SEC31A: variants seen among roughly 807,000 people sequenced by gnomAD.
SEC31A encodes protein transport protein Sec31A.
In SEC31A, 70 loss-of-function variants were observed where a neutral mutation model predicts 151.0. The ratio of observed to expected loss-of-function variants is 0.46; its 90% CI spans 0.38 to 0.57. SEC31A has a LOEUF of 0.57. Ranked by LOEUF, SEC31A falls within the 20% of genes least tolerant of loss-of-function variation. SEC31A has a pLI of 0.00. For synonymous variants in SEC31A, 475 were observed against 505.9 expected, an observed-to-expected ratio of 0.94 and a Z score of 0.82; for missense variants, 1,330 against 1,471.2, an observed-to-expected ratio of 0.90 and a Z score of 1.57.
chr4:82,858,057 C>T (rs549955666), intron 14 of SEC31A: 1 of 229,572 alleles, frequency 4.4e-6, no homozygotes, highest in South Asian at 5.7e-5. Context: ...GCAGGCAGAT[C>T]ACTCGAGGTC....
chr4:82,893,131 T>C (rs1351128729), upstream of SEC31A: 7 of 152,222 alleles, frequency 4.6e-5, no homozygotes. Flanking sequence ...GTGGTGGCAA[T>C]GATCACAGCG....
At chr4:82,845,169 T>A in intron 20 of SEC31A, 2 of 1,400,430 alleles carry the variant, frequency 1.4e-6, no homozygotes, top group South Asian at 2.5e-5. Context: ...GTGAGCAGAA[T>A]TCTGCTCAAA....
At chr4:82,885,278 C>A (rs1396850801) in intron 1 of SEC31A, among the ~76,000 whole-genome samples, 1 of 152,018 alleles carries the variant, frequency 6.6e-6, no homozygotes, top group Non-Finnish European at 1.5e-5. Context: ...CATGGTTGGT[C>A]TTAGTTTTAC....
chr4:82,857,630 G>A (rs79144522), intron 15 of SEC31A, 59 bp downstream of exon 15: 13 of 1,075,356 alleles, frequency 1.2e-5, no homozygotes, highest in Admixed American at 3.5e-5. Flanking sequence ...TTAAATGCAG[G>A]AACTATTTGT....
upstream of SEC31A, chr4:82,894,593 C>A (rs937090692): frequency 5.3e-5 from 8 of 152,228 alleles, no homozygotes; most frequent in Non-Finnish European, 7.3e-5. Flanking sequence ...TGTGGATGAT[C>A]TGCCACTGTG....
chr4:82,855,081 AAATT>A, intron 16 of SEC31A, 52 bp from the exon 17 acceptor site: 1 of 1,466,138 alleles, frequency 6.8e-7, no homozygotes, highest in Non-Finnish European at 9.1e-7. Flanking sequence ...ATAGCAATAA[AAATT>A]AATTCTGACT....
intron 22 of SEC31A, among the ~76,000 whole-genome samples, chr4:82,836,820 A>G (rs571671024): frequency 6.6e-6 from 1 of 152,268 alleles, no homozygotes; most frequent in East Asian, 1.9e-4. Context: ...GAACTGAATA[A>G]GATCTAGTTG....
chr4:82,867,110 C>CT lies in SEC31A; in HGVS notation c.1044+44dup, dbSNP rs760477724. 2.5e-6 allele frequency: 4 copies of CT among 1,573,278 alleles called. No individual in the cohort carries two copies. In the Admixed American group the frequency reaches 6.8e-5, roughly 27 times the overall value. On this transcript the variant is annotated intron_variant, in intron 9 of 26. Transcript: ENST00000395310. Reference sequence around the variant, plus strand: ...ATTTCAAAATATTACACAACACATACTTTTTTCAGGCATTATAATAGAAAA... The same window carrying CT: ...ATTTCAAAATATTACACAACACATACTTTTTTTCAGGCATTATAATAGAAAA...
At chr4:82,873,650 A>G (rs1737262407) in intron 6 of SEC31A, among the ~76,000 whole-genome samples, 2 of 152,118 alleles carry the variant, frequency 1.3e-5, no homozygotes, top group Admixed American at 1.3e-4. Flanking sequence ...TCTCCCAAAT[A>G]GTTTTTTGTT....
intron 14 of SEC31A, among the ~76,000 whole-genome samples, chr4:82,858,948 T>G (rs570980018): frequency 4.1e-4 from 63 of 151,866 alleles, no homozygotes; most frequent in Non-Finnish European, 8.2e-4. Flanking sequence ...TGATCCGCCC[T>G]CCTTGGCCTC....
At chr4:82,821,687 G>A (rs1025945565) in intron 25 of SEC31A, among the ~76,000 whole-genome samples, 3 of 151,974 alleles carry the variant, frequency 2.0e-5, no homozygotes, top group Admixed American at 2.0e-4. Context: ...AGTACTGATT[G>A]GATTTCATAT....
intron 20 of SEC31A, chr4:82,845,085 C>A: frequency 1.5e-6 from 1 of 649,720 alleles, no homozygotes; most frequent in Non-Finnish European, 2.6e-6. Context: ...ATGCAATGAG[C>A]AGGCAGATGG....
chr4:82,849,784 A>C (rs1731095049), intron 19 of SEC31A, among the ~76,000 whole-genome samples: 1 of 152,156 alleles, frequency 6.6e-6, no homozygotes, highest in African/African-American at 2.4e-5. Flanking sequence ...ACAGATCTAC[A>C]TGCATAGAGA....
At chr4:82,874,821 G>A in intron 5 of SEC31A, 70 bp from the exon 6 acceptor site, 1 of 1,533,668 alleles carries the variant, frequency 6.5e-7, no homozygotes, top group Non-Finnish European at 8.8e-7. Flanking sequence ...TGTAAAATTG[G>A]ATCCTTCATT....
At chr4:82,829,677 TA>T (rs1337169150) in intron 22 of SEC31A, among the ~76,000 whole-genome samples, 20 of 151,328 alleles carry the variant, frequency 1.3e-4, no homozygotes, top group Non-Finnish European at 2.7e-4. Context: ...TTTAATGCCG[TA>T]AAAAAAAATT....
chr4:82,844,721 A>G lies in SEC31A; in HGVS notation c.2503-212T>C, dbSNP rs187558233. Among the ~76,000 whole-genome samples the G allele has an allele frequency of 9.4e-3, 1,431 of 152,386 alleles. 15 individuals are homozygous for G. Among genetic ancestry groups the G allele is most frequent in the Middle Eastern group, 0.058 (17 of 294 alleles). Reference sequence around the variant, plus strand: ...ATGATTAAAGATCAGACAGATCCAAAGTAATAATTGCAATGAATGGCAAAA... The same window carrying G: ...ATGATTAAAGATCAGACAGATCCAAGGTAATAATTGCAATGAATGGCAAAA... On this transcript the variant is annotated intron_variant, in intron 20 of 26. Coordinates refer to ENST00000395310, the MANE Select transcript of SEC31A (RefSeq NM_001077207.4).
At chr4:82,897,427 A>G (rs1249146968) in intron 3 of SEC31A, among the ~76,000 whole-genome samples, 2 of 152,254 alleles carry the variant, frequency 1.3e-5, no homozygotes, top group African/African-American at 4.8e-5. Context: ...CAAGCAAGAT[A>G]CCAACCCTAG....
At chr4:82,852,745 C>T (rs184381585) in intron 18 of SEC31A, among the ~76,000 whole-genome samples, 5 of 152,216 alleles carry the variant, frequency 3.3e-5, no homozygotes, top group East Asian at 3.9e-4. Flanking sequence ...TGAGAATAGT[C>T]CCCACATTTT....
At chr4:82,873,035 AGAAAAAC>A (rs1737095140) in intron 6 of SEC31A, among the ~76,000 whole-genome samples, 1 of 152,196 alleles carries the variant, frequency 6.6e-6, no homozygotes, top group Admixed American at 6.5e-5. Flanking sequence ...AAATACTTTC[AGAAAAAC>A]GAAAAACAAA....
Sources: gnomAD v4.1 joint callset for allele counts (sites outside exome capture counted in the v4.1 genomes callset) on GRCh38, gnomAD v4.1.1 for gene constraint, MANE v1.5 for transcripts, NCBI Gene and HGNC (gene_info 2026-07-23, HGNC 2026-07-21) for gene names.